Variants in SLC30A3 observed in about 807,000 individuals in gnomAD.
SLC30A3 encodes solute carrier family 30 member 3, also known as probable proton-coupled zinc antiporter SLC30A3.
In SLC30A3, 20 loss-of-function variants were observed where a neutral mutation model predicts 35.6. The observed-to-expected ratio is 0.56, with a 90% CI of 0.39 to 0.82. The LOEUF is 0.82. SLC30A3 is among the 40% of genes least tolerant of loss of function. The pLI is 0.00. For synonymous variants in SLC30A3, 217 were observed against 224.7 expected (o/e 0.97, Z 0.31); for missense variants, 401 against 530.6 (o/e 0.76, Z 2.40).
At chr2:27,273,378 A>G (rs767948089) in intron 1 of SLC30A3, among the ~76,000 whole-genome samples, 2 of 152,240 alleles carry the variant, frequency 1.3e-5, no homozygotes, top group Non-Finnish European at 2.9e-5. Context: ...AGGGAGGGGC[A>G]GGACCACGCT....
At chr2:27,275,670 C>T (rs1216055477), upstream of SLC30A3, 1 of 176,278 alleles carries the variant, frequency 5.7e-6, no homozygotes, top group Non-Finnish European at 1.2e-5. Context: ...AGGCGTCTAC[C>T]CTGCTCTCTG....
rs1676991542 is a variant in SLC30A3 at position 27,258,329 on chromosome 2, G to A, written c.278-22C>T. On this transcript the variant is annotated intron_variant, in intron 2 of 7. Transcript: ENST00000233535. The surrounding 1 kb of genome is among the most constrained non-coding windows in gnomAD (Gnocchi z 4.0). ...CCGCCTGCCAGGGTGAAATGATGGA[G>A]TCTGCTTCCATTTAGAAAATATCAT... 2 of 1,511,090 alleles carry A rather than the reference G, an allele frequency of 1.3e-6. No homozygotes were observed. Among genetic ancestry groups the A allele is most frequent in the Admixed American group, 2.3e-5 (1 of 44,096 alleles). The allele number at this position is 1,511,090 out of a possible 1,614,324, so 93.6% of individuals were successfully genotyped here. A position where few individuals can be genotyped will look rare whatever the true frequency, so the allele number is the denominator to read the frequency against.
chr2:27,263,201 C>T, upstream of SLC30A3: 2 of 955,628 alleles, frequency 2.1e-6, no homozygotes, highest in Non-Finnish European at 1.4e-6. Context: ...CGCGCCAGAG[C>T]CCGGGAGCGC....
At chr2:27,275,583 G>A (rs191258273), upstream of SLC30A3, 9 of 297,316 alleles carry the variant, frequency 3.0e-5, no homozygotes, top group Non-Finnish European at 5.3e-5. Context: ...TGAGGAGTCG[G>A]CACAGGGCCA....
At chr2:27,259,931 A>G (rs971777180) in intron 1 of SLC30A3, among the ~76,000 whole-genome samples, 6 of 152,222 alleles carry the variant, frequency 3.9e-5, no homozygotes, top group Non-Finnish European at 7.3e-5. Flanking sequence ...CAGACTAATT[A>G]TAACGAGGAA....
At chr2:27,264,234 T>G, upstream of SLC30A3, 1 of 416,188 alleles carries the variant, frequency 2.4e-6, no homozygotes, top group Admixed American at 2.5e-5. This position sits in a 1 kb window ranked among gnomAD's most constrained non-coding sequence, Gnocchi z 6.1. Flanking sequence ...AAGAAACTCA[T>G]CAGCCGCATC....
rs1199044605 is a variant in SLC30A3 at position 27,257,640 on chromosome 2, G to C, written c.578+265C>G. 1 of 597,618 alleles carries C rather than the reference G, an allele frequency of 1.7e-6. No individual in the cohort carries two copies. Among genetic ancestry groups the C allele is most frequent in the African/African-American group, 1.9e-5 (1 of 53,822 alleles). 37.0% of individuals were successfully genotyped at this position (597,618 alleles called of 1,614,324 possible). On this transcript the variant is annotated intron_variant, in intron 4 of 7. Transcript: ENST00000233535. The surrounding 1 kb of genome is among the most constrained non-coding windows in gnomAD (Gnocchi z 4.7). ...TAGGGGTAATGCTACCTACCTCATGGGGTGGCTGTGAGGTTTAAATGCAAT... is the reference window on the plus strand; with the variant it reads ...TAGGGGTAATGCTACCTACCTCATGCGGTGGCTGTGAGGTTTAAATGCAAT...
chr2:27,265,399 C>T (rs886747694), upstream of SLC30A3, among the ~76,000 whole-genome samples: 1 of 152,256 alleles, frequency 6.6e-6, no homozygotes, highest in Non-Finnish European at 1.5e-5. This position sits in a 1 kb window ranked among gnomAD's most constrained non-coding sequence, Gnocchi z 5.9. Flanking sequence ...ACCTGTTCCT[C>T]AAAGAGCTAT....
rs762250031 is a variant in SLC30A3, at chr2:27,256,900, A to G, written c.778-7T>C. 6.3e-7 allele frequency: 1 copy of G among 1,593,004 alleles called. No individual in the cohort carries two copies. The highest frequency in any genetic ancestry group is 1.1e-5 in the South Asian group (1 of 89,704). ...CGGCTGCCTTGTATTGAGGCTGCAG[A>G]GAAAGAGACCCCTAAGCCCAACAAC... On this transcript the variant is annotated splice_region_variant and splice_polypyrimidine_tract_variant and intron_variant, in intron 5 of 7. Transcript: ENST00000233535.
chr2:27,263,099 C>T, upstream of SLC30A3: 2 of 1,346,980 alleles, frequency 1.5e-6, no homozygotes, highest in East Asian at 3.1e-5. Context: ...AGCCCCGCCC[C>T]GCGTGGGGCG....
chr2:27,262,834 C>T lies in SLC30A3; in HGVS notation c.73G>A (p.Gly25Arg), dbSNP rs749608483. ...LVSPRDRGGA[G>R]GSLRLKSLFT... is the part of the protein sequence containing the mutation. Reference sequence around the variant, plus strand: ...TACCTCTTCAAACGCAGGCTGCCTCCGGCGCCACCGCGGTCCCGGGGGCTC... The same window carrying T: ...TACCTCTTCAAACGCAGGCTGCCTCTGGCGCCACCGCGGTCCCGGGGGCTC... The change falls in exon 1 of 8, where the codon GGA becomes AGA. Residue 25 changes from glycine to arginine, a missense_variant. Gly to Arg is a moderately radical substitution (Grantham distance 125). Coordinates refer to ENST00000233535, the MANE Select transcript of SLC30A3 (RefSeq NM_003459.5). This position sits in a 1 kb window ranked among gnomAD's most constrained non-coding sequence, Gnocchi z 7.5. 57 of 1,566,948 alleles carry T rather than the reference C, an allele frequency of 3.6e-5. No individual in the cohort carries two copies. Among genetic ancestry groups the T allele is most frequent in the Non-Finnish European group, 4.6e-5 (54 of 1,161,538 alleles).
intron 1 of SLC30A3, among the ~76,000 whole-genome samples, chr2:27,274,048 C>T (rs551569185): frequency 4.6e-5 from 7 of 152,314 alleles, no homozygotes; most frequent in South Asian, 2.1e-4. Flanking sequence ...AGGGGGCTGG[C>T]GCAATGGCTC....
At position 27,262,435 on chromosome 2, in the gene SLC30A3, C is replaced by T. The variant is rs935314007; in HGVS notation, c.95+377G>A. 9.9e-5 allele frequency among the ~76,000 whole-genome samples: 15 copies of T among 152,058 alleles called. No homozygotes were observed. The highest frequency in any genetic ancestry group is 3.1e-4 in the African/African-American group (13 of 41,518). ...GAGCTCTGAAGCCTGGGCAGCGAGG[C>T]GCTCCCGCCCTGGGCCCGGGGCAAT... On this transcript the variant is annotated intron_variant, in intron 1 of 7. Transcript: ENST00000233535. This position sits in a 1 kb window ranked among gnomAD's most constrained non-coding sequence, Gnocchi z 7.5.
chr2:27,261,874 G>C (rs1677204015), intron 1 of SLC30A3: 1 of 152,422 alleles, frequency 6.6e-6, no homozygotes, highest in Non-Finnish European at 1.5e-5. Flanking sequence ...CAGCTTGAAG[G>C]CCCCCACCCA....
At chr2:27,260,976 T>C (rs1037199997) in intron 1 of SLC30A3, among the ~76,000 whole-genome samples, 4 of 152,180 alleles carry the variant, frequency 2.6e-5, no homozygotes, top group Non-Finnish European at 4.4e-5. Context: ...AATGGCTTAC[T>C]ACATAAGGAC....
Position 27,257,293 on chromosome 2 carries a change from T to C in SLC30A3, c.638A>G (p.Glu213Gly), listed in dbSNP as rs1385442831. The change falls in exon 5 of 8, where the codon GAG becomes GGG. Residue 213 changes from glutamate (E) to glycine (G), a missense_variant. Transcript: ENST00000233535. The surrounding 1 kb of genome is among the most constrained non-coding windows in gnomAD (Gnocchi z 4.7). Reference protein sequence around the residue: ...PPHSHGSRGAEYAPLEEGPEE... With the variant: ...PPHSHGSRGAGYAPLEEGPEE... The stretch of plus-strand genomic sequence containing the variant: ...AGGCCCCTCCTCCAGCGGTGCATAC[T>C]CTGCTCCCCTAGACCCGTGGCTGTG... 6.2e-7 allele frequency: 1 copy of C among 1,613,900 alleles called. No individual in the cohort carries two copies. Among genetic ancestry groups the C allele is most frequent in the Non-Finnish European group, 8.5e-7 (1 of 1,179,906 alleles).
intron 1 of SLC30A3, among the ~76,000 whole-genome samples, chr2:27,269,208 CT>C (rs368309600): frequency 0.03 from 3,821 of 127,824 alleles, 128 homozygotes; most frequent in African/African-American, 0.099. Context: ...CTTTTTCTTT[CT>C]TTTTTTTTTT....
intron 1 of SLC30A3, among the ~76,000 whole-genome samples, chr2:27,272,155 G>C (rs1412871725): frequency 6.6e-6 from 1 of 152,122 alleles, no homozygotes; most frequent in Non-Finnish European, 1.5e-5. Flanking sequence ...GGAACTGGAG[G>C]GAATACTAAG....
chr2:27,257,305 G>A lies in SLC30A3; in HGVS notation c.626C>T (p.Ser209Phe). 2 of 1,613,820 alleles carry A rather than the reference G, an allele frequency of 1.2e-6. No homozygotes were observed. Among genetic ancestry groups the A allele is most frequent in the Non-Finnish European group, 1.7e-6 (2 of 1,179,880 alleles). Residue 209 changes from serine (S) to phenylalanine (F), a missense_variant, in exon 5 of 8, where the codon TCT becomes TTT. By Grantham distance (155) the Ser-to-Phe change is radical (BLOSUM62 -2). This residue lies in a region of SLC30A3 where 296 missense variants were observed against 392.6 expected (regional missense o/e 0.75). Transcript: ENST00000233535. The surrounding 1 kb of genome is among the most constrained non-coding windows in gnomAD (Gnocchi z 4.7). The stretch of plus-strand genomic sequence containing the variant: ...CAGCGGTGCATACTCTGCTCCCCTA[G>A]ACCCGTGGCTGTGGGGGGGCCCAGC... ...HQAGPPHSHG[S>F]RGAEYAPLEE...
Sources: gnomAD v4.1 joint callset for allele counts (sites outside exome capture counted in the v4.1 genomes callset) on GRCh38, gnomAD v4.1.1 for gene constraint, gnomAD v4.1.1 regional missense constraint, Gnocchi (gnomAD v3.1) non-coding constraint, MANE v1.5 for transcripts, NCBI Gene and HGNC (gene_info 2026-07-23, HGNC 2026-07-21) for gene names.